The following EDAR variants were observed in gnomAD, a reference collection of about 807,000 sequenced individuals.
EDAR encodes tumor necrosis factor receptor superfamily member EDAR.
Under a neutral mutation model 51.3 loss-of-function variants are expected in EDAR, and 38 were observed. The ratio of observed to expected loss-of-function variants is 0.74; its 90% CI spans 0.57 to 0.97. EDAR has a LOEUF of 0.97. Ranked by LOEUF, EDAR falls within the 50% of genes least tolerant of loss-of-function variation. The probability of loss-of-function intolerance (pLI) is 0.00; values close to 1 mark genes in which losing one functional copy is unlikely to be tolerated. For synonymous variants in EDAR, 227 were observed against 242.1 expected (o/e 0.94, Z 0.58); for missense variants, 528 against 595.0 (o/e 0.89, Z 1.17).
rs1697319370 is a variant in EDAR at position 108,929,265 on chromosome 2, A to G, written c.289T>C (p.Phe97Leu). Residue 97 changes from phenylalanine to leucine, a missense_variant, in exon 4 of 12, where the codon TTC becomes CTC. Coordinates refer to ENST00000258443, the MANE Select transcript of EDAR (RefSeq NM_022336.4). ...CRRHKDCEGF[F>L]RATVLTPGDM... is the part of the protein sequence containing the mutation. ...CCTGGTGTCAGCACGGTGGCCCGGA[A>G]GAAGCCCTCACAGTCTTTGTGACGC... 6.2e-7 allele frequency: 1 copy of G among 1,614,192 alleles called. No homozygotes were observed. Among genetic ancestry groups the G allele is most frequent in the Non-Finnish European group, 8.5e-7 (1 of 1,180,032 alleles).
rs1230556595 is a variant in EDAR at position 108,908,032 on chromosome 2, GA to G, written c.804-14del. On this transcript the variant is annotated splice_polypyrimidine_tract_variant and intron_variant, in intron 9 of 11. Coordinates refer to ENST00000258443, the MANE Select transcript of EDAR (RefSeq NM_022336.4). Reference sequence around the variant, plus strand: ...GGCATCGTTCTCGCTGCAAAAACAAGAGCGATGGTCATTAGCAGTGCCTGGG... The same window carrying G: ...GGCATCGTTCTCGCTGCAAAAACAAGGCGATGGTCATTAGCAGTGCCTGGG... The G allele has an allele frequency of 1.2e-6, 2 of 1,604,766 alleles. No individual in the cohort carries two copies. Among genetic ancestry groups the G allele is most frequent in the Non-Finnish European group, 1.7e-6 (2 of 1,173,346 alleles).
chr2:108,905,914 G>T (rs1319381771), intron 11 of EDAR, among the ~76,000 whole-genome samples: 1 of 146,034 alleles, frequency 6.8e-6, no homozygotes, highest in African/African-American at 2.8e-5. Context: ...CGAGGGCAGG[G>T]AGAGGGCAGC....
At chr2:108,899,034 C>G (rs531286919) in intron 11 of EDAR, among the ~76,000 whole-genome samples, 1 of 152,254 alleles carries the variant, frequency 6.6e-6, no homozygotes, top group African/African-American at 2.4e-5. Context: ...TAGAACTCTC[C>G]AAATTTGTAA....
chr2:108,951,272 CAT>C (rs1162175772), intron 1 of EDAR, among the ~76,000 whole-genome samples: 1 of 152,162 alleles, frequency 6.6e-6, no homozygotes, highest in Non-Finnish European at 1.5e-5. Context: ...AGGCCAATGC[CAT>C]GTAATTCCAA....
At position 108,950,480 on chromosome 2, in the gene EDAR, T is replaced by C. The variant is rs79830029; in HGVS notation, c.-18-19448A>G. Among the ~76,000 whole-genome samples the C allele has an allele frequency of 7.8e-3, 1,188 of 152,236 alleles. 10 individuals carry two copies. The highest frequency in any genetic ancestry group is 0.029 in the South Asian group (138 of 4,822). On this transcript the variant is annotated intron_variant, in intron 1 of 11. Transcript: ENST00000258443. Reference sequence around the variant, plus strand: ...TCTGTTTATAAGGGCCGATGGTGTTTAACAGCACATGAGCCAGACAAGGCC... The same window carrying C: ...TCTGTTTATAAGGGCCGATGGTGTTCAACAGCACATGAGCCAGACAAGGCC...
intron 1 of EDAR, among the ~76,000 whole-genome samples, chr2:108,980,276 G>C (rs1698397329): frequency 2.0e-5 from 3 of 151,954 alleles, no homozygotes; most frequent in Admixed American, 2.0e-4. Context: ...AGAATCCCAG[G>C]GAGGCCCAGG....
chr2:108,986,680 C>T (rs1026395560), intron 1 of EDAR, among the ~76,000 whole-genome samples: 3 of 152,200 alleles, frequency 2.0e-5, no homozygotes, highest in African/African-American at 4.8e-5. Flanking sequence ...CATGACAACG[C>T]TTTGTAAAGT....
At chr2:108,933,174 T>C (rs1388845523) in intron 1 of EDAR, among the ~76,000 whole-genome samples, 1 of 152,198 alleles carries the variant, frequency 6.6e-6, no homozygotes, top group East Asian at 1.9e-4. Context: ...ATTTGTAAAG[T>C]TTCTAAATGC....
intron 1 of EDAR, among the ~76,000 whole-genome samples, chr2:108,978,401 T>C (rs1036794201): frequency 2.0e-5 from 3 of 152,068 alleles, no homozygotes; most frequent in Non-Finnish European, 2.9e-5. Context: ...AACAAAAATA[T>C]CAAACTTGGT....
At chr2:108,917,651 G>C (rs969430226) in intron 5 of EDAR, among the ~76,000 whole-genome samples, 1 of 152,106 alleles carries the variant, frequency 6.6e-6, no homozygotes, top group African/African-American at 2.4e-5. Context: ...ACTAGAGGGG[G>C]GTCAAACGGG....
At chr2:108,931,691 G>A (rs1414258605) in intron 1 of EDAR, among the ~76,000 whole-genome samples, 2 of 152,128 alleles carry the variant, frequency 1.3e-5, no homozygotes, top group African/African-American at 2.4e-5. Flanking sequence ...AATATTACAC[G>A]AATGCATTCC....
chr2:108,961,088 G>C (rs1282862489), intron 1 of EDAR, among the ~76,000 whole-genome samples: 7 of 152,236 alleles, frequency 4.6e-5, no homozygotes, highest in Admixed American at 3.3e-4. Context: ...CATGGATGCA[G>C]AAATGCTCGG....
intron 1 of EDAR, among the ~76,000 whole-genome samples, chr2:108,954,566 C>T (rs925274614): frequency 3.3e-5 from 5 of 152,172 alleles, no homozygotes; most frequent in African/African-American, 1.2e-4. Context: ...GCTCATCCCA[C>T]CCAGCCCTGT....
intron 4 of EDAR, among the ~76,000 whole-genome samples, chr2:108,927,553 C>T (rs1338200253): frequency 6.6e-6 from 1 of 152,178 alleles, no homozygotes; most frequent in Non-Finnish European, 1.5e-5. Context: ...CAGGTCTGAA[C>T]CGTAGCCAGG....
intron 1 of EDAR, among the ~76,000 whole-genome samples, chr2:108,938,150 A>G (rs1697512324): frequency 6.6e-6 from 1 of 152,236 alleles, no homozygotes; most frequent in South Asian, 2.1e-4. Context: ...AAGAGCATGG[A>G]AAATCAGTAT....
intron 11 of EDAR, among the ~76,000 whole-genome samples, chr2:108,902,327 G>C (rs959475151): frequency 3.9e-5 from 6 of 152,102 alleles, no homozygotes; most frequent in Non-Finnish European, 7.4e-5. Flanking sequence ...AGTGAGCGAG[G>C]ATTGTGCCAC....
intron 8 of EDAR, 86 bp from the exon 9 acceptor site, chr2:108,910,618 G>C: frequency 7.0e-7 from 1 of 1,421,328 alleles, no homozygotes; most frequent in Non-Finnish European, 9.9e-7. Context: ...CTTCCTGTTG[G>C]GCAGAGCTGC....
Position 108,937,338 on chromosome 2 carries a change from T to C in EDAR, c.-18-6306A>G, listed in dbSNP as rs371900788. Among the ~76,000 whole-genome samples the C allele has an allele frequency of 2.6e-5, 4 of 152,348 alleles. 1 individual carries two copies. The highest frequency in any genetic ancestry group is 1.9e-4 in the East Asian group (1 of 5,192). On this transcript the variant is annotated intron_variant, in intron 1 of 11. Transcript: ENST00000258443. ...TGCATTCTCTCAGGCCCTAAGTGTC[T>C]CAAGGGTGTTGCCCACCCCAAACAT...
intron 11 of EDAR, among the ~76,000 whole-genome samples, chr2:108,898,127 T>G (rs1474896286): frequency 6.6e-6 from 1 of 152,184 alleles, no homozygotes; most frequent in African/African-American, 2.4e-5. Context: ...ATTGCTCTAT[T>G]CCAGCCAAAC....
Sources: gnomAD v4.1 joint callset for allele counts (sites outside exome capture counted in the v4.1 genomes callset) on GRCh38, gnomAD v4.1.1 for gene constraint, MANE v1.5 for transcripts, NCBI Gene and HGNC (gene_info 2026-07-23, HGNC 2026-07-21) for gene names.